Variants in STPG2 observed in about 807,000 individuals in gnomAD.
The protein encoded by STPG2 is sperm tail PG-rich repeat containing 2.
Under a neutral mutation model 54.2 loss-of-function variants are expected in STPG2, and 56 were observed. That is an observed-to-expected ratio of 1.03 (90% CI 0.83 to 1.29). STPG2 has a LOEUF of 1.29. STPG2 is among the 50% of genes most tolerant of loss of function. The probability of loss-of-function intolerance (pLI) is 0.00; values close to 1 mark genes in which losing one functional copy is unlikely to be tolerated. For missense variants in STPG2, 596 were observed against 544.9 expected (o/e 1.09, Z -0.93); for synonymous variants, 200 against 181.8 (o/e 1.10, Z -0.81).
At chr4:97,581,995 TTTC>T (rs1467217432) in intron 10 of STPG2, among the ~76,000 whole-genome samples, 3 of 152,150 alleles carry the variant, frequency 2.0e-5, no homozygotes, top group South Asian at 2.1e-4. Flanking sequence ...TTTATAATTA[TTTC>T]TTATTTGGTC....
intron 3 of STPG2, among the ~76,000 whole-genome samples, chr4:98,110,959 C>T (rs1357955578): frequency 4.6e-5 from 7 of 152,018 alleles, no homozygotes; most frequent in Non-Finnish European, 8.8e-5. Context: ...CTGCCCCACC[C>T]GACTCCAAAA....
Position 97,938,147 on chromosome 4 carries a change from C to G in STPG2, c.1044+5750G>C, listed in dbSNP as rs1015819624. The stretch of plus-strand genomic sequence containing the variant: ...GAGCAGGGATGGGTCAGGATCTGGC[C>G]TACGAAGGCAGCCTGGCCATGATCT... On this transcript the variant is annotated intron_variant, in intron 8 of 10. Transcript: ENST00000295268. Among the ~76,000 whole-genome samples, 77 of 152,144 alleles carry G rather than the reference C, an allele frequency of 5.1e-4. 1 individual carries two copies. The highest frequency in any genetic ancestry group is 2.6e-4 in the Admixed American group (4 of 15,268).
rs1005069960 is a variant in STPG2 at position 97,532,299 on chromosome 4, T to C, written c.462+180400A>G. ...AATTTTACTATATCTATATTTGCAG[T>C]TAAAATGTTCACACAACCTATAAAA... On this transcript the variant is annotated intron_variant, in intron 4 of 4. Transcript: ENST00000522676. 2.0e-5 allele frequency among the ~76,000 whole-genome samples: 3 copies of C among 152,162 alleles called. No homozygotes were observed. The East Asian group carries it at 5.8e-4, about 29-fold the overall frequency.
chr4:98,106,131 A>T, intron 4 of STPG2, 67 bp from the exon 5 acceptor site: 3 of 1,102,898 alleles, frequency 2.7e-6, no homozygotes, highest in Non-Finnish European at 3.7e-6. Flanking sequence ...ATGTAAGCAA[A>T]GAAATTCTTT....
intron 4 of STPG2, among the ~76,000 whole-genome samples, chr4:97,481,079 G>A (rs954808735): frequency 6.6e-6 from 1 of 151,328 alleles, no homozygotes; most frequent in African/African-American, 2.4e-5. Context: ...GTTTTACATG[G>A]CATGACATAG....
intron 9 of STPG2, among the ~76,000 whole-genome samples, chr4:97,792,009 G>A (rs1182970827): frequency 6.6e-6 from 1 of 151,936 alleles, no homozygotes; most frequent in Non-Finnish European, 1.5e-5. Flanking sequence ...TTGAAAACAG[G>A]TAGAGAAAAG....
In STPG2 at chr4:97,713,333, A is replaced by T. The variant is rs112264369; in HGVS notation, c.1205-519T>A. ...CCTAATCCTAAATAAGGATTTTTGTACTTAAGCCAATGGGTTCCAACTTGT... is the reference window on the plus strand; with the variant it reads ...CCTAATCCTAAATAAGGATTTTTGTTCTTAAGCCAATGGGTTCCAACTTGT... On this transcript the variant is annotated intron_variant, in intron 9 of 10. Coordinates refer to ENST00000295268, the MANE Select transcript of STPG2 (RefSeq NM_174952.3). Among the ~76,000 whole-genome samples the T allele has an allele frequency of 4.5e-3, 678 of 152,330 alleles. 2 individuals carry two copies. Among genetic ancestry groups the T allele is most frequent in the Middle Eastern group, 0.02 (6 of 294 alleles).
At chr4:97,802,159 A>C (rs1192783553) in intron 9 of STPG2, among the ~76,000 whole-genome samples, 2 of 152,128 alleles carry the variant, frequency 1.3e-5, no homozygotes, top group African/African-American at 2.4e-5. Context: ...TTTGTGCCCT[A>C]TCCTCAGGCC....
chr4:97,961,283 G>C (rs1733879669), intron 7 of STPG2, among the ~76,000 whole-genome samples: 1 of 152,068 alleles, frequency 6.6e-6, no homozygotes, highest in African/African-American at 2.4e-5. Flanking sequence ...CTAGACATTG[G>C]CTTAGGCAAA....
At chr4:97,680,235 G>T (rs550580342) in intron 10 of STPG2, among the ~76,000 whole-genome samples, 1 of 151,594 alleles carries the variant, frequency 6.6e-6, no homozygotes, top group Non-Finnish European at 1.5e-5. Flanking sequence ...CCATTTTTAC[G>T]ATATTGATTC....
chr4:97,473,797 T>G (rs1453325079), intron 4 of STPG2, among the ~76,000 whole-genome samples: 2 of 152,040 alleles, frequency 1.3e-5, no homozygotes, highest in Non-Finnish European at 2.9e-5. Flanking sequence ...AGCTTTAAAA[T>G]TTCTCTCTTT....
intron 10 of STPG2, among the ~76,000 whole-genome samples, chr4:97,667,498 A>C (rs921264377): frequency 2.0e-5 from 3 of 152,152 alleles, no homozygotes; most frequent in Non-Finnish European, 2.9e-5. Context: ...TTATCTCCAT[A>C]ACTTAGAACA....
intron 8 of STPG2, among the ~76,000 whole-genome samples, chr4:97,854,209 T>C (rs755874583): frequency 6.6e-6 from 1 of 152,122 alleles, no homozygotes; most frequent in Non-Finnish European, 1.5e-5. Flanking sequence ...TGTCTACCAG[T>C]AGTAAAGGTT....
At chr4:97,494,916 T>C (rs111866919) in intron 4 of STPG2, among the ~76,000 whole-genome samples, 3,386 of 151,560 alleles carry the variant, frequency 0.022, 82 homozygotes, top group African/African-American at 0.064. Context: ...CTTACACTGT[T>C]TTCCTAAATC....
intron 4 of STPG2, among the ~76,000 whole-genome samples, chr4:97,473,588 C>A (rs138283763): frequency 6.6e-6 from 1 of 152,084 alleles, no homozygotes; most frequent in Non-Finnish European, 1.5e-5. Flanking sequence ...AATTTTGCCC[C>A]GGTCCTGTGC....
intron 2 of STPG2, among the ~76,000 whole-genome samples, chr4:98,130,798 T>C (rs1209728415): frequency 6.6e-6 from 1 of 151,430 alleles, no homozygotes; most frequent in African/African-American, 2.4e-5. Context: ...GGCGGGTGCC[T>C]GTAGTCCCAG....
At chr4:97,604,749 G>C (rs1302434745) in intron 10 of STPG2, among the ~76,000 whole-genome samples, 2 of 151,600 alleles carry the variant, frequency 1.3e-5, no homozygotes, top group Admixed American at 6.6e-5. Flanking sequence ...TTAATGGCCA[G>C]GTCTGGCTGC....
chr4:97,580,544 C>T (rs1331298025), intron 10 of STPG2, among the ~76,000 whole-genome samples: 1 of 151,818 alleles, frequency 6.6e-6, no homozygotes, highest in Admixed American at 6.6e-5. Flanking sequence ...GTCTCTGTCT[C>T]TCTGTCTCTG....
chr4:97,498,437 C>A lies in STPG2; in HGVS notation c.462+214262G>T, dbSNP rs572365835. ...AGCATTTGAGAAAACTTACTTTTTT[C>A]TTGATTATATGTAATACTGTTGAAT... On this transcript the variant is annotated intron_variant, in intron 4 of 4. Coordinates refer to the STPG2 transcript ENST00000522676. Among the ~76,000 whole-genome samples, 4 of 151,808 alleles carry A rather than the reference C, an allele frequency of 2.6e-5. No homozygotes were observed. The South Asian group carries it at 8.3e-4, about 32-fold the overall frequency.
Sources: gnomAD v4.1 joint callset for allele counts (sites outside exome capture counted in the v4.1 genomes callset) on GRCh38, gnomAD v4.1.1 for gene constraint, MANE v1.5 for transcripts, NCBI Gene and HGNC (gene_info 2026-07-23, HGNC 2026-07-21) for gene names.